Variants in CDH13 observed in about 807,000 individuals in gnomAD.
The protein encoded by CDH13 is cadherin 13, also known as cadherin-13.
CDH13 carries 24 observed loss-of-function variants against 63.8 expected under a neutral mutation model. The observed-to-expected ratio is 0.38, with a 90% CI of 0.27 to 0.53. The LOEUF (loss-of-function observed/expected upper bound fraction) is 0.53, where lower values mean the gene tolerates loss of function less well. CDH13 is among the 20% of genes least tolerant of loss of function. The pLI is 0.85. For synonymous variants in CDH13, 503 were observed against 355.3 expected (o/e 1.42, Z -4.67); for missense variants, 1,049 against 903.1 (o/e 1.16, Z -2.07).
chr16:83,173,927 A>C (rs1415968839), intron 4 of CDH13, among the ~76,000 whole-genome samples: 1 of 152,096 alleles, frequency 6.6e-6, no homozygotes, highest in African/African-American at 2.4e-5. Flanking sequence ...GACCCAGGGA[A>C]CAGAACAGGC....
chr16:83,703,368 G>C (rs1413829101), intron 10 of CDH13, among the ~76,000 whole-genome samples: 2 of 152,186 alleles, frequency 1.3e-5, no homozygotes. Context: ...GTAGCAAAAA[G>C]TTAGAAAACA....
At chr16:83,514,431 T>G (rs1598198511) in intron 7 of CDH13, among the ~76,000 whole-genome samples, 1 of 151,920 alleles carries the variant, frequency 6.6e-6, no homozygotes, top group African/African-American at 2.4e-5. Flanking sequence ...ATCACCTGAG[T>G]TCAGAAGTTT....
At chr16:83,088,334 G>C (rs923496301) in intron 3 of CDH13, among the ~76,000 whole-genome samples, 3 of 152,136 alleles carry the variant, frequency 2.0e-5, no homozygotes, top group Non-Finnish European at 4.4e-5. Flanking sequence ...TTAAATGTCA[G>C]GGTTGTCACC....
At chr16:83,481,320 A>G (rs563870796) in intron 6 of CDH13, among the ~76,000 whole-genome samples, 94 of 152,298 alleles carry the variant, frequency 6.2e-4, no homozygotes, top group Non-Finnish European at 1.1e-3. Context: ...GGCAAAGGAA[A>G]TGTTTAGGGA....
At chr16:82,789,888 C>A (rs943205436) in intron 1 of CDH13, among the ~76,000 whole-genome samples, 1 of 152,152 alleles carries the variant, frequency 6.6e-6, no homozygotes, top group Admixed American at 6.5e-5. Flanking sequence ...TGTGGGCACG[C>A]TCCTGCGGAG....
chr16:82,664,556 G>T (rs1324690932), intron 1 of CDH13, among the ~76,000 whole-genome samples: 1 of 152,196 alleles, frequency 6.6e-6, no homozygotes. Flanking sequence ...ACTTTCTGAG[G>T]GAGAAGGCTG....
intron 1 of CDH13, among the ~76,000 whole-genome samples, chr16:82,734,977 T>C (rs191033798): frequency 3.9e-5 from 6 of 152,242 alleles, no homozygotes; most frequent in Admixed American, 1.3e-4. Flanking sequence ...GAGTAACAGC[T>C]AAAGCAAGAC....
At chr16:83,402,782 T>C (rs1479699825) in intron 6 of CDH13, among the ~76,000 whole-genome samples, 1 of 152,240 alleles carries the variant, frequency 6.6e-6, no homozygotes, top group Non-Finnish European at 1.5e-5. Flanking sequence ...AATTTCATTC[T>C]TAGTCTTCTT....
intron 1 of CDH13, among the ~76,000 whole-genome samples, chr16:82,713,056 G>GGT (rs10617791): frequency 0.015 from 2,285 of 150,266 alleles, 58 homozygotes; most frequent in African/African-American, 0.053. Context: ...GTGTGTGTGT[G>GGT]GTGTGTGTGT....
At chr16:82,755,598 C>T (rs576680528) in intron 1 of CDH13, among the ~76,000 whole-genome samples, 19 of 152,162 alleles carry the variant, frequency 1.2e-4, no homozygotes, top group Non-Finnish European at 2.5e-4. Context: ...CATTCTGGTC[C>T]ATCATCTGTT....
chr16:82,745,529 G>A (rs866191271), intron 1 of CDH13, among the ~76,000 whole-genome samples: 3 of 152,070 alleles, frequency 2.0e-5, no homozygotes, highest in South Asian at 4.2e-4. Context: ...ACTTGAACAC[G>A]GGAGGTGGAG....
chr16:83,159,037 A>G (rs943958986), intron 4 of CDH13, among the ~76,000 whole-genome samples: 1 of 152,008 alleles, frequency 6.6e-6, no homozygotes, highest in Non-Finnish European at 1.5e-5. Context: ...CAATTCCTAC[A>G]TAGTCAGACA....
At chr16:83,545,503 A>G (rs1005648142) in intron 7 of CDH13, among the ~76,000 whole-genome samples, 2 of 152,202 alleles carry the variant, frequency 1.3e-5, no homozygotes, top group Non-Finnish European at 2.9e-5. Flanking sequence ...CAGAGAGGGG[A>G]AAGTCCACTG....
intron 1 of CDH13, among the ~76,000 whole-genome samples, chr16:82,691,101 C>A (rs1915600717): frequency 6.6e-6 from 1 of 152,138 alleles, no homozygotes; most frequent in Non-Finnish European, 1.5e-5. Context: ...CTATGGTGTA[C>A]CAGGCGCTGC....
chr16:83,273,268 G>A (rs556683772), intron 5 of CDH13, among the ~76,000 whole-genome samples: 2 of 151,972 alleles, frequency 1.3e-5, no homozygotes, highest in African/African-American at 2.4e-5. Context: ...GTGTACAGAC[G>A]ATTTTGTCAT....
At chr16:83,754,822 T>C (rs1322458357) in intron 11 of CDH13, among the ~76,000 whole-genome samples, 1 of 152,198 alleles carries the variant, frequency 6.6e-6, no homozygotes, top group Admixed American at 6.5e-5. Flanking sequence ...GTCTCTGGTA[T>C]GTCTTTATCA....
intron 2 of CDH13, among the ~76,000 whole-genome samples, chr16:82,966,454 C>A (rs1907849264): frequency 2.0e-5 from 3 of 152,122 alleles, no homozygotes; most frequent in African/African-American, 4.8e-5. Context: ...GCCTATTTTT[C>A]CTATTTTATT....
At chr16:83,096,270 G>C (rs917317501) in intron 3 of CDH13, among the ~76,000 whole-genome samples, 1 of 152,178 alleles carries the variant, frequency 6.6e-6, no homozygotes, top group African/African-American at 2.4e-5. Context: ...GAGCTATATA[G>C]TATTAGTCTG....
At chr16:83,562,263 C>G (rs2075722448) in intron 7 of CDH13, among the ~76,000 whole-genome samples, 1 of 152,146 alleles carries the variant, frequency 6.6e-6, no homozygotes, top group Admixed American at 6.5e-5. Context: ...GTTAGTGCAT[C>G]AGGATCCTTG....
Sources: allele counts gnomAD v4.1 joint callset (sites outside exome capture counted in the v4.1 genomes callset), GRCh38; gene constraint gnomAD v4.1.1; transcripts MANE v1.5; gene names NCBI Gene and HGNC (gene_info 2026-07-23, HGNC 2026-07-21).